Variants in PADI1 observed in about 807,000 individuals in gnomAD.
The protein encoded by PADI1 is protein-arginine deiminase type-1.
In PADI1, 65 loss-of-function variants were observed where a neutral mutation model predicts 74.8. The observed-to-expected ratio is 0.87, with a 90% CI of 0.71 to 1.07. PADI1 has a LOEUF of 1.07. PADI1 is among the 50% of genes least tolerant of loss of function. The probability of loss-of-function intolerance (pLI) is 0.00; values close to 1 mark genes in which losing one functional copy is unlikely to be tolerated. For synonymous variants in PADI1, 371 were observed against 336.2 expected, an observed-to-expected ratio of 1.10 and a Z score of -1.13; for missense variants, 943 against 854.0, an observed-to-expected ratio of 1.10 and a Z score of -1.30.
rs548240904 is a variant in PADI1 at position 17,212,802 on chromosome 1, C to T, written c.92+7493C>T. On this transcript the variant is annotated intron_variant, in intron 1 of 15. Coordinates refer to ENST00000375471, the MANE Select transcript of PADI1 (RefSeq NM_013358.3). ...TATGCAAGATGCTCCCTGGTCTCTT[C>T]TGTCATTTTAGGGCAGACAAGGACA... Among the ~76,000 whole-genome samples the T allele has an allele frequency of 1.8e-4, 27 of 152,348 alleles. 1 individual carries two copies. The highest frequency in any genetic ancestry group is 6.5e-4 in the African/African-American group (27 of 41,574).
At chr1:17,237,522 G>C (rs2072674960) in intron 12 of PADI1, 64 bp downstream of exon 12, 2 of 1,478,044 alleles carry the variant, frequency 1.4e-6, no homozygotes, top group African/African-American at 2.8e-5. Flanking sequence ...GGATGAGTCA[G>C]GGCAAAGCCA....
chr1:17,222,441 A>C lies in PADI1; in HGVS notation c.244A>C (p.Thr82Pro), dbSNP rs1161994781. The C allele has an allele frequency of 6.2e-7, 1 of 1,614,094 alleles. No homozygotes were observed. Among genetic ancestry groups the C allele is most frequent in the South Asian group, 1.1e-5 (1 of 91,086 alleles). The change falls in exon 2 of 16, where the codon ACA (threonine) becomes CCA (proline). Residue 82 changes from threonine (T) to proline (P), a missense_variant. Transcript: ENST00000375471. ...TDADMVVSVG[T>P]ASKELKDFKV... Reference sequence around the variant, plus strand: ...TGCAGACATGGTCGTATCTGTGGGCACAGCCAGTAAGGAATTAAAGGACTT... The same window carrying C: ...TGCAGACATGGTCGTATCTGTGGGCCCAGCCAGTAAGGAATTAAAGGACTT...
At chr1:17,229,125 C>T (rs1365525689) in intron 8 of PADI1, 74 bp downstream of exon 8, 9 of 893,654 alleles carry the variant, frequency 1.0e-5, no homozygotes, top group Admixed American at 4.2e-5. Context: ...CTCAGGGCTG[C>T]GCCCCTCACT....
chr1:17,218,128 G>A (rs529203670), intron 1 of PADI1, among the ~76,000 whole-genome samples: 1 of 152,260 alleles, frequency 6.6e-6, no homozygotes, highest in African/African-American at 2.4e-5. Context: ...GAGCAGATTG[G>A]GATGCAATTG....
chr1:17,228,711 A>C lies in PADI1; in HGVS notation c.739A>C (p.Ile247Leu). The part of the protein sequence containing the change: ...EVERQPGEQE[I>L]KFYVEGLTFP... ...TGAGCGACAGCCAGGGGAGCAGGAG[A>C]TCAAGTTCTATGTGGAGGGGCTGAC... Residue 247 changes from isoleucine to leucine, a missense_variant, in exon 7 of 16, where the codon ATC becomes CTC. Ile to Leu is a conservative substitution (Grantham distance 5). Transcript: ENST00000375471. The C allele has an allele frequency of 6.2e-7, 1 of 1,614,142 alleles. No homozygotes were observed. Among genetic ancestry groups the C allele is most frequent in the Non-Finnish European group, 8.5e-7 (1 of 1,180,028 alleles).
At chr1:17,241,963 G>C (rs1007565973) in intron 15 of PADI1, among the ~76,000 whole-genome samples, 2 of 152,160 alleles carry the variant, frequency 1.3e-5, no homozygotes, top group African/African-American at 4.8e-5. Flanking sequence ...ATCAGGGTTG[G>C]AAGTGAATGT....
At chr1:17,228,243 G>A (rs975498861) in intron 6 of PADI1, among the ~76,000 whole-genome samples, 3 of 152,302 alleles carry the variant, frequency 2.0e-5, no homozygotes, top group South Asian at 2.1e-4. Flanking sequence ...CTCCCAAAGT[G>A]CTGGGATTAT....
intron 1 of PADI1, among the ~76,000 whole-genome samples, chr1:17,213,254 T>C (rs929976309): frequency 1.3e-5 from 2 of 152,178 alleles, no homozygotes; most frequent in African/African-American, 4.8e-5. Flanking sequence ...CAAGCCTGCC[T>C]TTCTTCATGG....
chr1:17,210,776 C>A (rs1222512820), intron 1 of PADI1, among the ~76,000 whole-genome samples: 1 of 152,170 alleles, frequency 6.6e-6, no homozygotes, highest in Non-Finnish European at 1.5e-5. Flanking sequence ...CAGCCAGCCC[C>A]GGGGAGAGGA....
In PADI1 at chr1:17,229,945, G is replaced by C. The variant is rs565614034; in HGVS notation, c.930-140G>C. 1.1e-5 allele frequency: 8 copies of C among 709,296 alleles called. No individual in the cohort carries two copies. In the African/African-American group the frequency reaches 1.3e-4, roughly 11 times the overall value. The allele number at this position is 709,296 out of a possible 1,614,324, so 43.9% of individuals were successfully genotyped here. On this transcript the variant is annotated intron_variant, in intron 8 of 15. Coordinates refer to ENST00000375471, the MANE Select transcript of PADI1 (RefSeq NM_013358.3). ...GAGACTTTATCCATCTTCCCCATGC[G>C]CCTATGAGCCTCTCAAGGTCATGAA...
Position 17,217,098 on chromosome 1 carries a change from T to G in PADI1, c.93-5192T>G, listed in dbSNP as rs74058975. On this transcript the variant is annotated intron_variant, in intron 1 of 15. Transcript: ENST00000375471. ...AGGGGAGGCTGAGCCCTAAGCCAGGTGCGCTGGGGCCAGCCGCACTCTGAA... is the reference window on the plus strand; with the variant it reads ...AGGGGAGGCTGAGCCCTAAGCCAGGGGCGCTGGGGCCAGCCGCACTCTGAA... Among the ~76,000 whole-genome samples, 1,077 of 151,560 alleles carry G rather than the reference T, an allele frequency of 7.1e-3. 8 individuals are homozygous for G. The highest frequency in any genetic ancestry group is 0.023 in the African/African-American group (954 of 41,234).
chr1:17,240,023 CA>C (rs1292386485), intron 14 of PADI1: 2 of 503,524 alleles, frequency 4.0e-6, no homozygotes, highest in African/African-American at 3.8e-5. Flanking sequence ...CACGCTGGGG[CA>C]ATGACCTATT....
At chr1:17,233,309 TAC>T (rs1420906977) in intron 11 of PADI1, among the ~76,000 whole-genome samples, 1 of 152,112 alleles carries the variant, frequency 6.6e-6, no homozygotes, top group Non-Finnish European at 1.5e-5. Flanking sequence ...GGAGGTGAGA[TAC>T]AGTCTGGCAC....
chr1:17,232,981 G>A lies in PADI1; in HGVS notation c.1313+11G>A, dbSNP rs1461951661. 3.1e-6 allele frequency: 5 copies of A among 1,590,846 alleles called. No individual in the cohort carries two copies. Among genetic ancestry groups the A allele is most frequent in the Non-Finnish European group, 4.3e-6 (5 of 1,170,224 alleles). ...GAGCAGCTTCCCCAAGTGAGGGGCT[G>A]GGGCGGGAGGTGGGGAGGCACAAGG... On this transcript the variant is annotated intron_variant, in intron 11 of 15. Transcript: ENST00000375471.
intron 1 of PADI1, among the ~76,000 whole-genome samples, chr1:17,219,716 A>G (rs541524307): frequency 4.6e-5 from 7 of 152,116 alleles, no homozygotes; most frequent in East Asian, 3.9e-4. Flanking sequence ...GGAAATGTCA[A>G]TGCAAAGCTG....
intron 14 of PADI1, 69 bp downstream of exon 14, chr1:17,239,852 T>A (rs1483154575): frequency 7.6e-7 from 1 of 1,307,484 alleles, no homozygotes; most frequent in African/African-American, 1.5e-5. Flanking sequence ...CCCCAGGAAC[T>A]GGGTTGGGTC....
intron 11 of PADI1, among the ~76,000 whole-genome samples, chr1:17,236,745 C>A (rs1420719122): frequency 6.8e-6 from 1 of 146,940 alleles, no homozygotes; most frequent in Admixed American, 6.8e-5. Flanking sequence ...TGAGTGAGAC[C>A]TTGTCTCAAA....
intron 10 of PADI1, among the ~76,000 whole-genome samples, chr1:17,231,457 G>A (rs1043675861): frequency 6.6e-6 from 1 of 152,158 alleles, no homozygotes. Flanking sequence ...CTGCTGGGAC[G>A]GTGATGGTCC....
Position 17,228,634 on chromosome 1 carries a change from C to A in PADI1, c.662C>A (p.Ser221Tyr). 1.2e-6 allele frequency: 2 copies of A among 1,614,190 alleles called. No individual in the cohort carries two copies. The highest frequency in any genetic ancestry group is 1.7e-6 in the Non-Finnish European group (2 of 1,180,006). The change falls in exon 7 of 16, where the codon TCT becomes TAT. Residue 221 changes from serine to tyrosine, a missense_variant. Transcript: ENST00000375471. Reference protein sequence around the residue: ...VRVFCARGGNSLSDYKQVLGP... With the variant: ...VRVFCARGGNYLSDYKQVLGP... ...CTCTTGTTCTTCCTAGGTGGGAATT[C>A]TCTCTCGGACTACAAACAGGTGCTG...
Sources: allele counts gnomAD v4.1 joint callset (sites outside exome capture counted in the v4.1 genomes callset), GRCh38; gene constraint gnomAD v4.1.1; transcripts MANE v1.5; gene names NCBI Gene and HGNC (gene_info 2026-07-23, HGNC 2026-07-21).